Variants in GREB1L observed in about 807,000 individuals in gnomAD.
The protein encoded by GREB1L is GREB1 like retinoic acid receptor coactivator, also known as GREB1-like protein.
A neutral mutation model predicts 200.8 loss-of-function variants in GREB1L; 17 were observed. The ratio of observed to expected loss-of-function variants is 0.08; its 90% confidence interval spans 0.06 to 0.13. The LOEUF is 0.13. Among genes scored for constraint, GREB1L ranks in the 10% least tolerant of loss-of-function variants. The pLI, the probability that GREB1L is intolerant of heterozygous loss-of-function variation, is 1.00. For synonymous variants in GREB1L, 789 were observed against 893.0 expected, an observed-to-expected ratio of 0.88 and a Z score of 2.08; for missense variants, 1,657 against 2,367.7, an observed-to-expected ratio of 0.70 and a Z score of 6.23.
intron 1 of GREB1L, among the ~76,000 whole-genome samples, chr18:21,325,813 C>CAAAAAAA (rs60239796): frequency 4.8e-5 from 2 of 41,698 alleles, no homozygotes; most frequent in Non-Finnish European, 8.8e-5. Context: ...GACCTTGTCT[C>CAAAAAAA]AAAAAAAAAA....
In GREB1L at chr18:21,500,021, G is replaced by C. The variant is rs773204308; in HGVS notation, c.3684G>C (p.Leu1228=). The part of the protein sequence containing the change: ...IRGCRGPQAA[L]PPVVILSKAA... Reference sequence around the variant, plus strand: ...GCTGCCGGGGCCCACAGGCAGCCCTGCCACCAGTGGTGATCCTATCCAAAG... The same window carrying C: ...GCTGCCGGGGCCCACAGGCAGCCCTCCCACCAGTGGTGATCCTATCCAAAG... Residue 1228 remains leucine (L), a synonymous_variant, in exon 22 of 33, where the codon CTG becomes CTC. Coordinates refer to ENST00000424526, the MANE Select transcript of GREB1L (RefSeq NM_001142966.3). 5.2e-6 allele frequency: 8 copies of C among 1,551,424 alleles called. No individual in the cohort carries two copies. In the South Asian group the frequency reaches 8.3e-5, roughly 16 times the overall value.
At chr18:21,376,328 A>G (rs1193936547) in intron 2 of GREB1L, among the ~76,000 whole-genome samples, 3 of 150,978 alleles carry the variant, frequency 2.0e-5, no homozygotes, top group African/African-American at 4.9e-5. Context: ...AATGTTGGCC[A>G]GGCTGGTCTC....
intron 1 of GREB1L, among the ~76,000 whole-genome samples, chr18:21,278,802 T>C (rs997513878): frequency 6.6e-6 from 1 of 152,168 alleles, no homozygotes; most frequent in Non-Finnish European, 1.5e-5. Flanking sequence ...ACCAATTGAT[T>C]ATGTATTTTT....
At chr18:21,366,825 G>C (rs1207756422) in intron 2 of GREB1L, among the ~76,000 whole-genome samples, 2 of 152,050 alleles carry the variant, frequency 1.3e-5, no homozygotes, top group South Asian at 2.1e-4. Context: ...GTATCCTTTT[G>C]AGGCCAAAAA....
chr18:21,454,497 TTCA>T lies in GREB1L; in HGVS notation c.2124_2126del (p.Ile709del). On this transcript the variant is annotated inframe_deletion, in exon 15 of 33. Transcript: ENST00000424526. The stretch of plus-strand genomic sequence containing the variant: ...CCTCGGTCACTTCAGCAAAGTAGAC[TTCA>T]TCATCATTGTTCCCAGATCGGAGGT... The T allele has an allele frequency of 6.4e-7, 1 of 1,551,646 alleles. No individual in the cohort carries two copies. Among genetic ancestry groups the T allele is most frequent in the Non-Finnish European group, 8.7e-7 (1 of 1,146,948 alleles).
At chr18:21,439,748 C>G in intron 8 of GREB1L, 111 bp downstream of exon 8, 1 of 707,744 alleles carries the variant, frequency 1.4e-6, no homozygotes, top group Non-Finnish European at 2.5e-6. Context: ...TTTCTCAGTT[C>G]GTCATACAGT....
chr18:21,460,467 T>C (rs568721368), intron 15 of GREB1L, among the ~76,000 whole-genome samples: 8 of 152,290 alleles, frequency 5.3e-5, no homozygotes, highest in African/African-American at 1.9e-4. Context: ...TGCCTCAGTC[T>C]CCTGAGTAGC....
In GREB1L at chr18:21,508,575, C is replaced by T; in HGVS notation, c.4719C>T (p.Phe1573=). The change falls in exon 27 of 33, where the codon TTC becomes TTT. Residue 1573 remains phenylalanine (F), a synonymous_variant. Coordinates refer to ENST00000424526, the MANE Select transcript of GREB1L (RefSeq NM_001142966.3). The part of the protein sequence containing the change: ...NHIMLVLPGM[F]NNAGVGAARF... ...TCATGCTGGTGCTTCCCGGCATGTT[C>T]AATAATGCAGGCGTGGGTAAGGGGC... The T allele has an allele frequency of 6.4e-7, 1 of 1,551,690 alleles. No homozygotes were observed. The highest frequency in any genetic ancestry group is 1.2e-5 in the South Asian group (1 of 84,044).
intron 11 of GREB1L, among the ~76,000 whole-genome samples, chr18:21,445,357 C>G (rs1161100870): frequency 2.0e-5 from 3 of 152,050 alleles, no homozygotes; most frequent in Non-Finnish European, 4.4e-5. Flanking sequence ...GCCTGTAATC[C>G]CAGCTACTCA....
intron 2 of GREB1L, among the ~76,000 whole-genome samples, chr18:21,368,318 C>A (rs1190710216): frequency 6.6e-6 from 1 of 152,130 alleles, no homozygotes; most frequent in Admixed American, 6.5e-5. Flanking sequence ...CTAGAGCAAA[C>A]CCACAGCTGT....
Position 21,490,183 on chromosome 18 carries a change from G to A in GREB1L, c.2862G>A (p.Arg954=). The A allele has an allele frequency of 6.4e-7, 1 of 1,551,696 alleles. No homozygotes were observed. Among genetic ancestry groups the A allele is most frequent in the Non-Finnish European group, 8.7e-7 (1 of 1,146,998 alleles). ...CCCCAGGCAAAAACAAAAGTGGGAG[G>A]GGACACATGCTCATTATCAGGGTGC... ...ISSPGKNKSG[R]GHMLIIRVPS... The change falls in exon 19 of 33, where the codon AGG becomes AGA. Residue 954 remains arginine, a synonymous_variant. Transcript: ENST00000424526.
intron 7 of GREB1L, among the ~76,000 whole-genome samples, chr18:21,421,912 A>AT (rs948338587): frequency 4.6e-5 from 7 of 152,034 alleles, no homozygotes; most frequent in African/African-American, 1.7e-4. Flanking sequence ...TTATTTTGGT[A>AT]TTTTTTTCCA....
At chr18:21,366,320 A>G (rs1400821523) in intron 2 of GREB1L, among the ~76,000 whole-genome samples, 184 bp downstream of exon 2, 2 of 151,918 alleles carry the variant, frequency 1.3e-5, no homozygotes, top group African/African-American at 4.8e-5. Flanking sequence ...CATACCAGAA[A>G]GCTTCTGCAG....
At chr18:21,446,433 T>G (rs1345567668) in intron 11 of GREB1L, among the ~76,000 whole-genome samples, 1 of 152,210 alleles carries the variant, frequency 6.6e-6, no homozygotes, top group Non-Finnish European at 1.5e-5. Context: ...TCTTATCTTT[T>G]GTAAAGAAAA....
At chr18:21,360,651 G>A (rs2143535581) in intron 1 of GREB1L, among the ~76,000 whole-genome samples, 1 of 152,186 alleles carries the variant, frequency 6.6e-6, no homozygotes, top group East Asian at 1.9e-4. Context: ...GAATCATTTG[G>A]TGCAAAGTGT....
At chr18:21,469,205 C>T (rs2035384828) in intron 15 of GREB1L, among the ~76,000 whole-genome samples, 2 of 152,060 alleles carry the variant, frequency 1.3e-5, no homozygotes, top group South Asian at 4.1e-4. Context: ...GTCATTTTTT[C>T]CCTACATTTA....
chr18:21,353,834 G>T (rs1204453176), intron 1 of GREB1L, among the ~76,000 whole-genome samples: 1 of 152,112 alleles, frequency 6.6e-6, no homozygotes, highest in Admixed American at 6.6e-5. Flanking sequence ...CACCCAGGCT[G>T]AAGTGCAGTG....
chr18:21,243,261 C>T (rs1311228275), intron 1 of GREB1L, among the ~76,000 whole-genome samples: 1 of 152,126 alleles, frequency 6.6e-6, no homozygotes, highest in African/African-American at 2.4e-5. Context: ...TGGGGTTTCT[C>T]AGTTACATGA....
intron 7 of GREB1L, among the ~76,000 whole-genome samples, chr18:21,423,489 G>A (rs2144912121): frequency 6.6e-6 from 1 of 152,240 alleles, no homozygotes; most frequent in African/African-American, 2.4e-5. Flanking sequence ...CATAATTCCT[G>A]TAAAACAGAA....
Sources: gnomAD v4.1 joint callset for allele counts (sites outside exome capture counted in the v4.1 genomes callset) on GRCh38, gnomAD v4.1.1 for gene constraint, MANE v1.5 for transcripts, NCBI Gene and HGNC (gene_info 2026-07-23, HGNC 2026-07-21) for gene names.